The following NTHL1 variants were observed in gnomAD, a reference collection of about 807,000 sequenced individuals.
The protein encoded by NTHL1 is nth like DNA glycosylase 1.
Under a neutral mutation model 32.3 loss-of-function variants are expected in NTHL1, and 32 were observed. The observed-to-expected ratio is 0.99, with a 90% CI of 0.75 to 1.33. The LOEUF is 1.33. NTHL1 is among the 40% of genes most tolerant of loss of function. NTHL1 has a pLI of 0.00. For synonymous variants in NTHL1, 188 were observed against 176.9 expected (o/e 1.06, Z -0.50); for missense variants, 501 against 414.1 (o/e 1.21, Z -1.82).
chr16:2,046,578 T>C (rs1433378965), intron 1 of NTHL1, among the ~76,000 whole-genome samples: 4 of 152,192 alleles, frequency 2.6e-5, no homozygotes, highest in African/African-American at 7.2e-5. Flanking sequence ...TCATGAGGAC[T>C]CTAGCAACAG....
At chr16:2,045,996 G>A (rs1384867626) in intron 2 of NTHL1, 132 bp downstream of exon 2, 17 of 726,962 alleles carry the variant, frequency 2.3e-5, no homozygotes, top group Non-Finnish European at 3.1e-5. Flanking sequence ...GCGATGCTCT[G>A]GGGCACCGGG....
intron 5 of NTHL1, 22 bp from the exon 6 acceptor site, chr16:2,040,069 C>G (rs1044660724): frequency 6.2e-7 from 1 of 1,612,576 alleles, no homozygotes. Flanking sequence ...GGGGCTGGGT[C>G]AGTGCTGACA....
chr16:2,045,551 C>T (rs571879791), intron 2 of NTHL1, among the ~76,000 whole-genome samples: 52 of 152,214 alleles, frequency 3.4e-4, no homozygotes, highest in African/African-American at 1.3e-3. Context: ...ATTTTCCTGC[C>T]TCGCCCTCCT....
chr16:2,040,324 C>T, intron 4 of NTHL1, 86 bp from the exon 5 acceptor site: 1 of 1,229,804 alleles, frequency 8.1e-7, no homozygotes, highest in Non-Finnish European at 1.2e-6. Context: ...AGTCTGCCAC[C>T]ACCCCCGTGG....
At position 2,044,511 on chromosome 16, in the gene NTHL1, A is replaced by AC. The variant is rs1018009598; in HGVS notation, c.525+118dup. On this transcript the variant is annotated intron_variant, in intron 3 of 5. Coordinates refer to ENST00000651570, the MANE Select transcript of NTHL1 (RefSeq NM_002528.7). This position sits in a 1 kb window ranked among gnomAD's most constrained non-coding sequence, Gnocchi z 5.0. ...ACGGCCTGGGGGGGGCTTCAGGGGG[A>AC]CCCCCCGAGCCTGAGATGCTTGACC... The AC allele has an allele frequency of 2.4e-5, 32 of 1,337,212 alleles. No individual in the cohort carries two copies. Among genetic ancestry groups the AC allele is most frequent in the Non-Finnish European group, 2.9e-5 (28 of 955,918 alleles). 82.8% of individuals were successfully genotyped at this position (1,337,212 alleles called of 1,614,324 possible). A position where few individuals can be genotyped will look rare whatever the true frequency, so the allele number is the denominator to read the frequency against.
intron 2 of NTHL1, among the ~76,000 whole-genome samples, chr16:2,045,856 G>A (rs1371183367): frequency 3.3e-5 from 5 of 152,210 alleles, no homozygotes; most frequent in Admixed American, 3.3e-4. Context: ...CCCTGGGACC[G>A]TGAAGCAAAA....
At position 2,044,666 on chromosome 16, in the gene NTHL1, C is replaced by A. The variant is rs760491144; in HGVS notation, c.489G>T (p.Thr163=). The A allele has an allele frequency of 6.2e-7, 1 of 1,609,992 alleles. No individual in the cohort carries two copies. The highest frequency in any genetic ancestry group is 1.7e-5 in the Admixed American group (1 of 60,030). The change falls in exon 3 of 6, where the codon ACG becomes ACT. Residue 163 remains threonine, a synonymous_variant. Coordinates refer to ENST00000651570, the MANE Select transcript of NTHL1 (RefSeq NM_002528.7). The surrounding 1 kb of genome is among the most constrained non-coding windows in gnomAD (Gnocchi z 5.0). The stretch of plus-strand genomic sequence containing the variant: ...CGACGGGGTAGATGAGCTTGCCCAG[C>A]GTGGCATCATCTGTCTGCAGGATGC... ...VDSILQTDDA[T]LGKLIYPVGF...
Position 2,044,251 on chromosome 16 carries a change from G to C in NTHL1, c.525+379C>G, listed in dbSNP as rs2084310186. On this transcript the variant is annotated intron_variant, in intron 3 of 5. Transcript: ENST00000651570. The surrounding 1 kb of genome is among the most constrained non-coding windows in gnomAD (Gnocchi z 5.0). Reference sequence around the variant, plus strand: ...TCCGCCCACCACCATCCAGTGCTCGGCGGGGTTGGGGAGCAGCCTCCCCAG... The same window carrying C: ...TCCGCCCACCACCATCCAGTGCTCGCCGGGGTTGGGGAGCAGCCTCCCCAG... 6.6e-6 allele frequency among the ~76,000 whole-genome samples: 1 copy of C among 152,226 alleles called. No homozygotes were observed. The highest frequency in any genetic ancestry group is 2.4e-5 in the African/African-American group (1 of 41,462).
Position 2,043,915 on chromosome 16 carries a change from C to T in NTHL1, c.526-189G>A. On this transcript the variant is annotated intron_variant, in intron 3 of 5. Coordinates refer to ENST00000651570, the MANE Select transcript of NTHL1 (RefSeq NM_002528.7). The surrounding 1 kb of genome is among the most constrained non-coding windows in gnomAD (Gnocchi z 4.4). ...GCAGGGAGGCCCAAGGTAGGCCTGA[C>T]CCCCTCCTCCCACCCGTGTGGGCCA... 1 of 634,476 alleles carries T rather than the reference C, an allele frequency of 1.6e-6. No individual in the cohort carries two copies. Among genetic ancestry groups the T allele is most frequent in the Non-Finnish European group, 2.8e-6 (1 of 357,760 alleles). 39.3% of individuals were successfully genotyped at this position (634,476 alleles called of 1,614,324 possible). A position where few individuals can be genotyped will look rare whatever the true frequency, so the allele number is the denominator to read the frequency against.
intron 4 of NTHL1, 111 bp from the exon 5 acceptor site, chr16:2,040,349 A>G (rs1022563347): frequency 3.5e-5 from 34 of 971,220 alleles, no homozygotes; most frequent in Non-Finnish European, 3.9e-5. Flanking sequence ...CCAGTTAGAC[A>G]TTGGAACCGC....
intron 1 of NTHL1, 23 bp downstream of exon 1, chr16:2,047,686 C>T (rs914753118): frequency 6.4e-7 from 1 of 1,562,966 alleles, no homozygotes; most frequent in South Asian, 1.2e-5. Context: ...TCCTCCCACG[C>T]TCCAGCCACG....
chr16:2,040,487 C>T, intron 4 of NTHL1: 1 of 579,226 alleles, frequency 1.7e-6, no homozygotes, highest in Non-Finnish European at 3.1e-6. Context: ...GGGCTCTGTT[C>T]TGGGCTGCCC....
rs1184802574 is a variant in NTHL1 at position 2,044,931 on chromosome 16, G to A, written c.355-131C>T. ...ACACTTGAGGCATCAGCCTCCCCCT[G>A]TGGGGTGGGGAGGTCTGGTTTGGGT... On this transcript the variant is annotated intron_variant, in intron 2 of 5. Transcript: ENST00000651570. The surrounding 1 kb of genome is among the most constrained non-coding windows in gnomAD (Gnocchi z 5.0). 1.9e-6 allele frequency: 2 copies of A among 1,046,584 alleles called. No individual in the cohort carries two copies. The highest frequency in any genetic ancestry group is 2.7e-6 in the Non-Finnish European group (2 of 738,576). The allele number at this position is 1,046,584 out of a possible 1,614,324, so 64.8% of individuals were successfully genotyped here. A position where few individuals can be genotyped will look rare whatever the true frequency, so the allele number is the denominator to read the frequency against.
rs1179385099 is a variant in NTHL1 at position 2,039,904 on chromosome 16, C to T, written c.*20G>A. On this transcript the variant is annotated 3_prime_UTR_variant, in exon 6 of 6. Coordinates refer to ENST00000651570, the MANE Select transcript of NTHL1 (RefSeq NM_002528.7). ...ACAGACGGTGGCCACAGCGGCACCT[C>T]GGCCAGAGCCATGCGGCCATCAGAG... 9.4e-6 allele frequency: 15 copies of T among 1,599,332 alleles called. No individual in the cohort carries two copies. The highest frequency in any genetic ancestry group is 4.5e-5 in the East Asian group (2 of 44,866).
At chr16:2,046,603 C>T (rs776254305) in intron 1 of NTHL1, among the ~76,000 whole-genome samples, 4 of 152,152 alleles carry the variant, frequency 2.6e-5, no homozygotes, top group Non-Finnish European at 5.9e-5. Context: ...TACCAAGGTG[C>T]CCCCAATACA....
In NTHL1 at chr16:2,040,067, G is replaced by A; in HGVS notation, c.792-20C>T. On this transcript the variant is annotated intron_variant, in intron 5 of 5. Transcript: ENST00000651570. ...AGCTCCCTGTGGGGGTGGGGGCTGG[G>A]TCAGTGCTGACAGAGGGCGGGCGGG... The A allele has an allele frequency of 6.2e-7, 1 of 1,612,630 alleles. No homozygotes were observed. Among genetic ancestry groups the A allele is most frequent in the Non-Finnish European group, 8.5e-7 (1 of 1,179,998 alleles).
chr16:2,040,953 G>A (rs1179864986), intron 4 of NTHL1, among the ~76,000 whole-genome samples: 1 of 152,174 alleles, frequency 6.6e-6, no homozygotes, highest in South Asian at 2.1e-4. Flanking sequence ...GGGACACAGC[G>A]GGAGCATGCC....
Position 2,043,189 on chromosome 16 carries a change from AG to A in NTHL1, c.685+377del, listed in dbSNP as rs1464062977. Among the ~76,000 whole-genome samples the A allele has an allele frequency of 1.3e-5, 2 of 151,148 alleles. No homozygotes were observed. The highest frequency in any genetic ancestry group is 2.4e-5 in the African/African-American group (1 of 41,054). Reference sequence around the variant, plus strand: ...ACCTTGCTCTGCAGCTCTCAGGTGAAGGATGACCTTGGGGGCCTTCCCAGAG... The same window carrying A: ...ACCTTGCTCTGCAGCTCTCAGGTGAAGATGACCTTGGGGGCCTTCCCAGAG... On this transcript the variant is annotated intron_variant, in intron 4 of 5. Coordinates refer to ENST00000651570, the MANE Select transcript of NTHL1 (RefSeq NM_002528.7). This position sits in a 1 kb window ranked among gnomAD's most constrained non-coding sequence, Gnocchi z 4.4.
rs772742086 is a variant in NTHL1 at position 2,040,180 on chromosome 16, G to C, written c.744C>G (p.Thr248=). The change falls in exon 5 of 6, where the codon ACC becomes ACG. Residue 248 remains threonine (T), a synonymous_variant. Transcript: ENST00000651570. ...CGGCGCGGGTCTCCTCTGGGGACTT[G>C]GTTGCCTTCTTGGTCCACCTCAGCC... ...ANRLRWTKKA[T]KSPEETRAAL... is the part of the protein sequence containing the mutation. 5 of 1,614,000 alleles carry C rather than the reference G, an allele frequency of 3.1e-6. No individual in the cohort carries two copies. The highest frequency in any genetic ancestry group is 4.2e-6 in the Non-Finnish European group (5 of 1,180,032).
Sources: allele counts gnomAD v4.1 joint callset (sites outside exome capture counted in the v4.1 genomes callset), GRCh38; gene constraint gnomAD v4.1.1; non-coding constraint Gnocchi (gnomAD v3.1); transcripts MANE v1.5; gene names NCBI Gene and HGNC (gene_info 2026-07-23, HGNC 2026-07-21).